Variants in PTPRN2 observed in about 807,000 individuals in gnomAD.
PTPRN2 encodes the protein receptor-type tyrosine-protein phosphatase N2.
A neutral mutation model predicts 118.8 loss-of-function variants in PTPRN2; 74 were observed. The ratio of observed to expected loss-of-function variants is 0.62; its 90% CI spans 0.52 to 0.76. The LOEUF (loss-of-function observed/expected upper bound fraction) is 0.76. Ranked by LOEUF, PTPRN2 falls within the 30% of genes least tolerant of loss-of-function variation. The pLI is 0.00. For missense variants in PTPRN2, 1,481 were observed against 1,394.4 expected (o/e 1.06, Z -0.99); for synonymous variants, 641 against 608.0 (o/e 1.05, Z -0.80).
chr7:158,269,752 A>C (rs1798168505), intron 3 of PTPRN2, among the ~76,000 whole-genome samples: 1 of 148,772 alleles, frequency 6.7e-6, no homozygotes, highest in Non-Finnish European at 1.5e-5. Context: ...AGACAGAGAG[A>C]GACAGAGACA....
chr7:158,192,877 G>C (rs890468242), intron 4 of PTPRN2, among the ~76,000 whole-genome samples: 8 of 152,336 alleles, frequency 5.3e-5, no homozygotes, highest in African/African-American at 1.9e-4. Context: ...TGGGCATGGG[G>C]GGCCCAAGGC....
At chr7:158,518,989 A>G (rs1823777839) in intron 1 of PTPRN2, among the ~76,000 whole-genome samples, 2 of 152,066 alleles carry the variant, frequency 1.3e-5, no homozygotes, top group African/African-American at 4.8e-5. Flanking sequence ...CTCTGTCTCT[A>G]AACAAACAAA....
chr7:157,734,823 C>T (rs1212094473), intron 12 of PTPRN2, among the ~76,000 whole-genome samples: 7 of 152,222 alleles, frequency 4.6e-5, no homozygotes, highest in Non-Finnish European at 8.8e-5. Flanking sequence ...CCGGGACCAG[C>T]AGGGCAGCCA....
chr7:158,478,950 C>T (rs1670338), intron 2 of PTPRN2, among the ~76,000 whole-genome samples: 66,400 of 151,854 alleles, frequency 0.44, 14,802 homozygotes, highest in East Asian at 0.66. Flanking sequence ...CACGTGTCAC[C>T]GCGACAGTCA....
chr7:158,243,415 G>A (rs1169919914), intron 3 of PTPRN2, among the ~76,000 whole-genome samples: 2 of 152,216 alleles, frequency 1.3e-5, no homozygotes, highest in Non-Finnish European at 2.9e-5. Flanking sequence ...CCTGGACATT[G>A]TGGTTTAAAA....
At chr7:158,143,499 T>G (rs1819582864) in intron 6 of PTPRN2, among the ~76,000 whole-genome samples, 1 of 152,124 alleles carries the variant, frequency 6.6e-6, no homozygotes, top group South Asian at 2.1e-4. Flanking sequence ...GGCCCGGCCA[T>G]AGCTCACGGT....
intron 5 of PTPRN2, among the ~76,000 whole-genome samples, chr7:158,171,282 TATATATACACAC>T (rs1376974999): frequency 0.018 from 339 of 19,286 alleles, 34 homozygotes; most frequent in African/African-American, 0.061. Flanking sequence ...TATACACACA[TATATATACACAC>T]ATATATATAC....
chr7:158,522,246 C>T (rs1412993709), intron 1 of PTPRN2, among the ~76,000 whole-genome samples: 7 of 63,008 alleles, frequency 1.1e-4, no homozygotes, highest in East Asian at 7.0e-4. Context: ...GGGAGGTCCA[C>T]GTCACAATGG....
At chr7:158,032,039 C>A (rs1807727539) in intron 11 of PTPRN2, among the ~76,000 whole-genome samples, 1 of 152,218 alleles carries the variant, frequency 6.6e-6, no homozygotes, top group Non-Finnish European at 1.5e-5. Context: ...TTCTCCAGCA[C>A]TGCTGAGAAA....
chr7:157,645,073 G>A (rs542802433), intron 14 of PTPRN2, among the ~76,000 whole-genome samples: 104 of 152,274 alleles, frequency 6.8e-4, no homozygotes, highest in Non-Finnish European at 3.4e-4. Flanking sequence ...TGACGGACAC[G>A]GAGGAGACGA....
chr7:158,200,558 ATATAAT>A (rs555890659), intron 4 of PTPRN2, among the ~76,000 whole-genome samples: 4 of 152,354 alleles, frequency 2.6e-5, no homozygotes, highest in Admixed American at 1.3e-4. Flanking sequence ...CATCATATAT[ATATAAT>A]TATAAACTAT....
Position 157,853,198 on chromosome 7 carries a change from C to T in PTPRN2, c.1788+45475G>A, listed in dbSNP as rs113934871. ...CAACACCACACTGCCCCTTGCATTC[C>T]GAGGAGTCATGTAGTCATGAGGGGC... On this transcript the variant is annotated intron_variant, in intron 12 of 22. Transcript: ENST00000389418. Among the ~76,000 whole-genome samples, 1,137 of 152,212 alleles carry T rather than the reference C, an allele frequency of 7.5e-3. 24 individuals carry two copies. The highest frequency in any genetic ancestry group is 0.026 in the African/African-American group (1,077 of 41,510).
intron 2 of PTPRN2, among the ~76,000 whole-genome samples, chr7:158,386,960 C>A (rs1436424626): frequency 6.6e-6 from 1 of 152,214 alleles, no homozygotes; most frequent in Non-Finnish European, 1.5e-5. Flanking sequence ...CGATCACCCA[C>A]CTAAGCACTC....
At chr7:158,492,882 G>T (rs1159352167) in intron 1 of PTPRN2, among the ~76,000 whole-genome samples, 1 of 152,238 alleles carries the variant, frequency 6.6e-6, no homozygotes, top group Non-Finnish European at 1.5e-5. Flanking sequence ...CCATGTGGCG[G>T]CAAGTGGCAT....
Position 157,808,696 on chromosome 7 carries a change from T to C in PTPRN2, c.1788+89977A>G, listed in dbSNP as rs1394306046. ...AAGTGCACAGTAAATGTAATGCGTT[T>C]GAATCATCCTGAAACCTTCCCCCAA... is the stretch of plus-strand genomic sequence containing the variant. On this transcript the variant is annotated intron_variant, in intron 12 of 22. Transcript: ENST00000389418. The surrounding 1 kb of genome is among the most constrained non-coding windows in gnomAD (Gnocchi z 5.0). 6.6e-6 allele frequency among the ~76,000 whole-genome samples: 1 copy of C among 152,210 alleles called. No individual in the cohort carries two copies. Among genetic ancestry groups the C allele is most frequent in the Non-Finnish European group, 1.5e-5 (1 of 68,028 alleles).
chr7:158,558,809 G>C (rs1827205314), intron 1 of PTPRN2, among the ~76,000 whole-genome samples: 1 of 151,484 alleles, frequency 6.6e-6, no homozygotes, highest in African/African-American at 2.4e-5. Context: ...TTCCTCTGGG[G>C]TGCCACTCAG....
intron 1 of PTPRN2, among the ~76,000 whole-genome samples, chr7:158,520,672 G>T (rs555580466): frequency 6.6e-6 from 1 of 152,232 alleles, no homozygotes; most frequent in East Asian, 1.9e-4. Flanking sequence ...CACTTACATG[G>T]TTTTTTAGAA....
rs1806383361 is a variant in PTPRN2, at chr7:158,015,504, A to AG, written c.1723+65793dup. ...GGGAGAGAGGGAGAGAGGGAGATAG[A>AG]GGGAGGGGTGGGAGGAAGACAGAAA... On this transcript the variant is annotated intron_variant, in intron 11 of 22. Transcript: ENST00000389418. This position sits in a 1 kb window ranked among gnomAD's most constrained non-coding sequence, Gnocchi z 4.2. Among the ~76,000 whole-genome samples, 1 of 139,284 alleles carries AG rather than the reference A, an allele frequency of 7.2e-6. No individual in the cohort carries two copies. Among genetic ancestry groups the AG allele is most frequent in the African/African-American group, 2.7e-5 (1 of 36,896 alleles). 91.4% of individuals were successfully genotyped at this position (139,284 alleles called of 152,430 possible).
intron 12 of PTPRN2, among the ~76,000 whole-genome samples, chr7:157,774,495 G>A (rs76628618): frequency 0.022 from 3,291 of 152,348 alleles, 116 homozygotes; most frequent in African/African-American, 0.071. Context: ...TGGAAGTTGA[G>A]CTGCAGTGAG....
Sources: allele counts gnomAD v4.1 joint callset (sites outside exome capture counted in the v4.1 genomes callset), GRCh38; gene constraint gnomAD v4.1.1; non-coding constraint Gnocchi (gnomAD v3.1); transcripts MANE v1.5; gene names NCBI Gene and HGNC (gene_info 2026-07-23, HGNC 2026-07-21).